The following KDM3B variants were observed in gnomAD, a reference collection of about 807,000 sequenced individuals.
KDM3B encodes the protein lysine demethylase 3B.
Under a neutral mutation model 170.0 loss-of-function variants are expected in KDM3B, and 10 were observed. The observed-to-expected ratio is 0.06, with a 90% CI of 0.04 to 0.10. The LOEUF is 0.10. Among genes scored for constraint, KDM3B ranks in the 10% least tolerant of loss-of-function variants. The pLI is 1.00. For synonymous variants in KDM3B, 831 were observed against 834.8 expected (o/e 1.00, Z 0.08); for missense variants, 1,394 against 2,195.2 (o/e 0.64, Z 7.29).
rs1010036810 is a variant in KDM3B at position 138,399,951 on chromosome 5, C to T, written c.3138C>T (p.Arg1046=). 8.1e-6 allele frequency: 13 copies of T among 1,614,042 alleles called. No individual in the cohort carries two copies. Among genetic ancestry groups the T allele is most frequent in the Non-Finnish European group, 1.1e-5 (13 of 1,180,040 alleles). Residue 1046 remains arginine (R), a synonymous_variant, in exon 11 of 24, where the codon CGC becomes CGT. Transcript: ENST00000314358. ...TTLFNIHWVC[R]KCGFGVCLDC... ...TCTTCAACATCCACTGGGTTTGTCG[C>T]AAATGTGGATTTGGGGTCTGCCTTG...
At position 138,379,690 on chromosome 5, in the gene KDM3B, G is replaced by A. The variant is rs779230646; in HGVS notation, c.687G>A (p.Met229Ile). ...ATCAGGACTCCATCACTCGTCTTAT[G>A]GAGGTGTCTGTAACTGAGGTGAGAC... ...VSHQDSITRL[M>I]EVSVTESGEI... The change falls in exon 5 of 24, where the codon ATG becomes ATA. Residue 229 changes from methionine (M) to isoleucine (I), a missense_variant. Physicochemically the swap from Met to Ile is conservative, Grantham distance 10. This residue lies in a region of KDM3B where 166 missense variants were observed against 216.4 expected (regional missense o/e 0.77). Transcript: ENST00000314358. 6.2e-7 allele frequency: 1 copy of A among 1,613,514 alleles called. No individual in the cohort carries two copies. The highest frequency in any genetic ancestry group is 8.5e-7 in the Non-Finnish European group (1 of 1,179,742).
intron 9 of KDM3B, among the ~76,000 whole-genome samples, chr5:138,397,195 C>T (rs549848653): frequency 3.6e-4 from 54 of 152,060 alleles, no homozygotes; most frequent in Non-Finnish European, 7.1e-4. Context: ...ATCAGCTGGG[C>T]GTGGTGGCAG....
At chr5:138,407,937 C>T (rs1762865013) in intron 11 of KDM3B, among the ~76,000 whole-genome samples, 1 of 152,138 alleles carries the variant, frequency 6.6e-6, no homozygotes, top group Admixed American at 6.5e-5. Flanking sequence ...TACAGAAGTC[C>T]TTGGTAAGGT....
chr5:138,429,710 C>T (rs1392858147), intron 20 of KDM3B, 116 bp from the exon 21 acceptor site: 3 of 1,145,774 alleles, frequency 2.6e-6, no homozygotes, highest in East Asian at 2.6e-5. Flanking sequence ...TTCTGCCTTA[C>T]ATTATTCCAG....
chr5:138,411,376 A>T (rs1399545279), intron 11 of KDM3B, among the ~76,000 whole-genome samples: 1 of 152,228 alleles, frequency 6.6e-6, no homozygotes, highest in African/African-American at 2.4e-5. Context: ...ACTACCAACT[A>T]ATGATTAATG....
intron 19 of KDM3B, 136 bp from the exon 20 acceptor site, chr5:138,427,831 T>C: frequency 2.5e-6 from 2 of 805,814 alleles, no homozygotes; most frequent in Non-Finnish European, 4.0e-6. Context: ...AAGTGATTTC[T>C]TCATAAACAA....
chr5:138,373,288 C>T (rs552566113), intron 2 of KDM3B, among the ~76,000 whole-genome samples: 42 of 151,920 alleles, frequency 2.8e-4, no homozygotes, highest in Non-Finnish European at 4.3e-4. Flanking sequence ...TACAGTGAGC[C>T]GTGATTGTGC....
intron 11 of KDM3B, among the ~76,000 whole-genome samples, chr5:138,404,553 G>A (rs1040142178): frequency 6.6e-6 from 1 of 151,838 alleles, no homozygotes; most frequent in Non-Finnish European, 1.5e-5. Flanking sequence ...CTTGAACCTG[G>A]GAAGCCAAGG....
At position 138,420,915 on chromosome 5, in the gene KDM3B, T is replaced by C. The variant is rs199655153; in HGVS notation, c.3925T>C (p.Leu1309=). Residue 1309 remains leucine, a synonymous_variant, in exon 15 of 24, where the codon TTG becomes CTG. Coordinates refer to ENST00000314358, the MANE Select transcript of KDM3B (RefSeq NM_016604.4). The part of the protein sequence containing the change: ...SGPGKLPQTP[L]DTGIPFPPVF... Reference sequence around the variant, plus strand: ...GCCGGGAAAACTTCCTCAAACCCCCTTGGACACAGGCATACCCTTTCCCCC... The same window carrying C: ...GCCGGGAAAACTTCCTCAAACCCCCCTGGACACAGGCATACCCTTTCCCCC... 2.5e-6 allele frequency: 4 copies of C among 1,614,126 alleles called. No individual in the cohort carries two copies. The highest frequency in any genetic ancestry group is 1.1e-5 in the South Asian group (1 of 91,076).
chr5:138,407,539 G>T (rs996831346), intron 11 of KDM3B, among the ~76,000 whole-genome samples: 2 of 152,070 alleles, frequency 1.3e-5, no homozygotes, highest in Middle Eastern at 3.4e-3. Flanking sequence ...TTCCTGGCAC[G>T]AGATGATGAA....
At chr5:138,379,783 A>G (rs891054787) in intron 5 of KDM3B, 75 bp downstream of exon 5, 8 of 1,405,192 alleles carry the variant, frequency 5.7e-6, no homozygotes, top group Non-Finnish European at 7.7e-6. Context: ...CGAGCACTTC[A>G]TTATGTGTAA....
chr5:138,416,516 G>C (rs766929324), intron 12 of KDM3B, among the ~76,000 whole-genome samples: 108 of 150,236 alleles, frequency 7.2e-4, no homozygotes, highest in Non-Finnish European at 1.3e-3. Context: ...TTGAACCTAG[G>C]AGGCAGAGGT....
At chr5:138,394,381 A>C (rs1212841187) in intron 9 of KDM3B, among the ~76,000 whole-genome samples, 1 of 152,228 alleles carries the variant, frequency 6.6e-6, no homozygotes, top group Non-Finnish European at 1.5e-5. Flanking sequence ...CTAAAAGAAA[A>C]AGAAAAAATA....
At chr5:138,417,818 C>T (rs2126988134) in intron 13 of KDM3B, 1 of 503,252 alleles carries the variant, frequency 2.0e-6, no homozygotes, top group East Asian at 3.4e-5. Flanking sequence ...ATCTTTAAAC[C>T]AGTTCATGGT....
At chr5:138,416,964 G>C (rs988817550) in intron 12 of KDM3B, among the ~76,000 whole-genome samples, 2 of 152,110 alleles carry the variant, frequency 1.3e-5, no homozygotes, top group African/African-American at 4.8e-5. Context: ...AGAATTACAG[G>C]CACGCACCAT....
chr5:138,430,528 A>AT (rs762864638), intron 22 of KDM3B, 103 bp downstream of exon 22: 81 of 1,020,044 alleles, frequency 7.9e-5, no homozygotes, highest in Non-Finnish European at 1.1e-4. Flanking sequence ...GATTGGACTG[A>AT]TCTCTCTTAT....
rs750944984 is a variant in KDM3B, at chr5:138,391,933, C to T, written c.2301C>T (p.Asn767=). The T allele has an allele frequency of 5.6e-6, 9 of 1,612,488 alleles. No homozygotes were observed. The highest frequency in any genetic ancestry group is 1.3e-5 in the African/African-American group (1 of 75,024). Residue 767 remains asparagine, a synonymous_variant, in exon 8 of 24, where the codon AAC becomes AAT. Transcript: ENST00000314358. This position sits in a 1 kb window ranked among gnomAD's most constrained non-coding sequence, Gnocchi z 5.0. The part of the protein sequence containing the change: ...QDNPLLKTFS[N]VFGRHSGGFL... Reference sequence around the variant, plus strand: ...ATCCCCTCCTCAAAACCTTTAGTAACGTCTTTGGCAGGCACTCAGGCGGCT... The same window carrying T: ...ATCCCCTCCTCAAAACCTTTAGTAATGTCTTTGGCAGGCACTCAGGCGGCT...
intron 1 of KDM3B, among the ~76,000 whole-genome samples, chr5:138,360,941 G>T (rs1159447518): frequency 6.6e-6 from 1 of 152,110 alleles, no homozygotes; most frequent in Non-Finnish European, 1.5e-5. Context: ...CTCCCCACCT[G>T]CCAAGGGTTC....
Position 138,403,830 on chromosome 5 carries a change from CA to C in KDM3B, c.3199+3832del, listed in dbSNP as rs370451547. Among the ~76,000 whole-genome samples, 1,054 of 124,900 alleles carry C rather than the reference CA, an allele frequency of 8.4e-3. 10 individuals are homozygous for C. The highest frequency in any genetic ancestry group is 0.023 in the African/African-American group (777 of 33,884). 81.9% of individuals were successfully genotyped at this position (124,900 alleles called of 152,430 possible). A position where few individuals can be genotyped will look rare whatever the true frequency, so the allele number is the denominator to read the frequency against. ...CAATATAGCAAGACCCCATCTCAACCAAAAAAAAAAAAAAGAACTTTAATGT... is the reference window on the plus strand; with the variant it reads ...CAATATAGCAAGACCCCATCTCAACCAAAAAAAAAAAAAGAACTTTAATGT... On this transcript the variant is annotated intron_variant, in intron 11 of 23. Coordinates refer to ENST00000314358, the MANE Select transcript of KDM3B (RefSeq NM_016604.4).
Sources: allele counts gnomAD v4.1 joint callset (sites outside exome capture counted in the v4.1 genomes callset), GRCh38; gene constraint gnomAD v4.1.1; regional missense constraint gnomAD v4.1.1; non-coding constraint Gnocchi (gnomAD v3.1); transcripts MANE v1.5; gene names NCBI Gene and HGNC (gene_info 2026-07-23, HGNC 2026-07-21).